PTER: variants seen among roughly 807,000 people sequenced by gnomAD.
PTER encodes the protein phosphotriesterase related.
Under a neutral mutation model 29.6 loss-of-function variants are expected in PTER, and 38 were observed. The observed-to-expected ratio is 1.28, with a 90% CI of 0.99 to 1.68. PTER has a LOEUF of 1.68. Among genes scored for constraint, PTER ranks in the 40% most tolerant of loss-of-function variants. PTER has a pLI of 0.00. For synonymous variants in PTER, 172 were observed against 154.5 expected, an observed-to-expected ratio of 1.11 and a Z score of -0.84; for missense variants, 482 against 427.8, an observed-to-expected ratio of 1.13 and a Z score of -1.12.
At chr10:16,464,047 A>C (rs1050257356) in intron 1 of PTER, among the ~76,000 whole-genome samples, 7 of 152,164 alleles carry the variant, frequency 4.6e-5, no homozygotes, top group Non-Finnish European at 8.8e-5. Flanking sequence ...TCACCGGTAC[A>C]TTAGGAGATT....
At chr10:16,456,187 A>G (rs147614272) in intron 1 of PTER, among the ~76,000 whole-genome samples, 95 of 152,342 alleles carry the variant, frequency 6.2e-4, no homozygotes, top group Middle Eastern at 3.4e-3. Context: ...CAGCTCTAAA[A>G]TACGTACATT....
At chr10:16,494,673 G>T (rs1020895434) in intron 3 of PTER, among the ~76,000 whole-genome samples, 5 of 152,032 alleles carry the variant, frequency 3.3e-5, no homozygotes, top group African/African-American at 1.2e-4. Context: ...TAAAATTCTT[G>T]GCAAATTATT....
In PTER at chr10:16,466,873, ATGGTCTATACATTTAAAACAT is replaced by A. The variant is rs574280129; in HGVS notation, c.-48-17462_-48-17442del. On this transcript the variant is annotated intron_variant, in intron 1 of 4. Transcript: ENST00000535784. ...CGGCCTTAGCAAGAAATTCCTGAGG[ATGGTCTATACATTTAAAACAT>A]TTACCTAAGAGCCATTATCCAGTTT... Among the ~76,000 whole-genome samples, 21 of 152,336 alleles carry A rather than the reference ATGGTCTATACATTTAAAACAT, an allele frequency of 1.4e-4. No individual in the cohort carries two copies. In the South Asian group the frequency reaches 4.3e-3, roughly 32 times the overall value.
At chr10:16,495,932 T>C (rs1411239161) in intron 3 of PTER, among the ~76,000 whole-genome samples, 5 of 152,220 alleles carry the variant, frequency 3.3e-5, no homozygotes, top group Admixed American at 2.0e-4. Flanking sequence ...TCCTTGTTCT[T>C]GTTATTTAAT....
intron 1 of PTER, among the ~76,000 whole-genome samples, chr10:16,473,180 T>C (rs1422798567): frequency 6.6e-6 from 1 of 152,152 alleles, no homozygotes. Flanking sequence ...TGAGTCTCAC[T>C]GATGCAAAAT....
intron 1 of PTER, among the ~76,000 whole-genome samples, chr10:16,446,623 A>T (rs887077761): frequency 6.6e-6 from 1 of 152,182 alleles, no homozygotes. Context: ...TATATATATT[A>T]AAGAACATAT....
intron 1 of PTER, among the ~76,000 whole-genome samples, chr10:16,479,762 A>C (rs1367194381): frequency 6.6e-6 from 1 of 151,876 alleles, no homozygotes; most frequent in African/African-American, 2.4e-5. Flanking sequence ...CTCAGACAAG[A>C]CACTACCTGA....
At chr10:16,466,034 A>G (rs1834800444) in intron 1 of PTER, among the ~76,000 whole-genome samples, 1 of 152,160 alleles carries the variant, frequency 6.6e-6, no homozygotes, top group Non-Finnish European at 1.5e-5. Context: ...ATTTGAGATG[A>G]GATTTGGGTG....
rs995835759 is a variant in PTER, at chr10:16,477,148, C to T, written c.-48-7189C>T. On this transcript the variant is annotated intron_variant, in intron 1 of 4. Transcript: ENST00000535784. ...CAAACCCTTGAGCTCAAGCAGTCTG[C>T]CTGCCTTGGCCTCCCAGAGTGCTGG... Among the ~76,000 whole-genome samples, 3 of 152,122 alleles carry T rather than the reference C, an allele frequency of 2.0e-5. No individual in the cohort carries two copies. The South Asian group carries it at 6.2e-4, about 31-fold the overall frequency.
intron 1 of PTER, among the ~76,000 whole-genome samples, chr10:16,469,550 G>A (rs1239952828): frequency 6.6e-6 from 1 of 152,142 alleles, no homozygotes; most frequent in African/African-American, 2.4e-5. Flanking sequence ...TGGAATTTAC[G>A]GGATTTAGAA....
intron 1 of PTER, among the ~76,000 whole-genome samples, chr10:16,443,844 C>T (rs561504044): frequency 1.2e-4 from 19 of 152,274 alleles, no homozygotes; most frequent in South Asian, 6.2e-4. Flanking sequence ...GCCAGAGGAT[C>T]GCTAGAGTAT....
intron 1 of PTER, among the ~76,000 whole-genome samples, chr10:16,470,807 T>A (rs1226010619): frequency 6.6e-6 from 1 of 152,168 alleles, no homozygotes; most frequent in African/African-American, 2.4e-5. Flanking sequence ...TTCTGTTCTT[T>A]AAAAAGGTTT....
chr10:16,471,046 G>A (rs1835033512), intron 1 of PTER, among the ~76,000 whole-genome samples: 1 of 152,170 alleles, frequency 6.6e-6, no homozygotes, highest in Non-Finnish European at 1.5e-5. Flanking sequence ...TCAGGCCATG[G>A]AGCTTTTTCT....
chr10:16,448,026 A>C (rs1834077323), intron 1 of PTER, among the ~76,000 whole-genome samples: 1 of 152,184 alleles, frequency 6.6e-6, no homozygotes, highest in African/African-American at 2.4e-5. Context: ...GAAAGCACTG[A>C]GTTCATGATA....
At chr10:16,479,963 A>G (rs114242845) in intron 1 of PTER, among the ~76,000 whole-genome samples, 1,680 of 149,960 alleles carry the variant, frequency 0.011, 30 homozygotes, top group African/African-American at 0.04. Context: ...TGGTGCAAAA[A>G]TAATTCTGGT....
chr10:16,437,156 G>C (rs561690411), intron 1 of PTER, 109 bp downstream of exon 1: 1 of 152,310 alleles, frequency 6.6e-6, no homozygotes, highest in African/African-American at 2.4e-5. Context: ...AGCTCCACGC[G>C]AGGGTCCTGC....
downstream of PTER, chr10:16,514,016 A>C: frequency 3.4e-6 from 1 of 291,472 alleles, no homozygotes; most frequent in Non-Finnish European, 6.3e-6. Context: ...TAAGGTTAAC[A>C]AGAGTACAAG....
At chr10:16,437,248 A>T (rs1008660650) in intron 1 of PTER, 1 of 151,972 alleles carries the variant, frequency 6.6e-6, no homozygotes, top group Non-Finnish European at 1.5e-5. Flanking sequence ...AAAGAGCGCC[A>T]GTCCCGTGTG....
intron 1 of PTER, among the ~76,000 whole-genome samples, chr10:16,468,579 C>A (rs1834929155): frequency 6.6e-6 from 1 of 152,146 alleles, no homozygotes; most frequent in South Asian, 2.1e-4. Flanking sequence ...TAGATGTTCG[C>A]TAAATACATA....
Sources: gnomAD v4.1 joint callset for allele counts (sites outside exome capture counted in the v4.1 genomes callset) on GRCh38, gnomAD v4.1.1 for gene constraint, MANE v1.5 for transcripts, NCBI Gene and HGNC (gene_info 2026-07-23, HGNC 2026-07-21) for gene names.